BICD1: variants seen among roughly 807,000 people sequenced by gnomAD.
BICD1 encodes the protein protein bicaudal D homolog 1.
In BICD1, 35 loss-of-function variants were observed where a neutral mutation model predicts 92.5. That is an observed-to-expected ratio of 0.38 (90% CI 0.29 to 0.50). The LOEUF is 0.50. Ranked by LOEUF, BICD1 falls within the 20% of genes least tolerant of loss-of-function variation. The pLI is 0.93. For missense variants in BICD1, 950 were observed against 1,189.8 expected (o/e 0.80, Z 2.97); for synonymous variants, 429 against 465.1 (o/e 0.92, Z 1.00).
chr12:32,233,337 A>AC (rs1945953133), intron 2 of BICD1, among the ~76,000 whole-genome samples: 1 of 150,724 alleles, frequency 6.6e-6, no homozygotes, highest in African/African-American at 2.4e-5. Context: ...AAAAAAAAAA[A>AC]AAAGTAGGCT....
chr12:32,255,979 A>G (rs940595042), intron 2 of BICD1, among the ~76,000 whole-genome samples: 1 of 152,196 alleles, frequency 6.6e-6, no homozygotes, highest in African/African-American at 2.4e-5. Context: ...ATTTATCAAT[A>G]GAGCAGATAT....
intron 2 of BICD1, among the ~76,000 whole-genome samples, chr12:32,232,383 C>A (rs914546039): frequency 3.9e-5 from 6 of 152,022 alleles, no homozygotes; most frequent in Non-Finnish European, 8.8e-5. Context: ...GCATAAATGT[C>A]TTCTTCTGAG....
intron 2 of BICD1, among the ~76,000 whole-genome samples, chr12:32,291,703 T>A (rs1947731364): frequency 6.6e-6 from 1 of 151,830 alleles, no homozygotes; most frequent in Non-Finnish European, 1.5e-5. Flanking sequence ...CCAGTTGTGC[T>A]GGTGTACACC....
At chr12:32,268,616 C>G (rs1468896077) in intron 2 of BICD1, among the ~76,000 whole-genome samples, 1 of 151,934 alleles carries the variant, frequency 6.6e-6, no homozygotes, top group Non-Finnish European at 1.5e-5. Context: ...GCCAACATGG[C>G]GAAACCCCGT....
At chr12:32,266,452 C>G (rs1946999154) in intron 2 of BICD1, among the ~76,000 whole-genome samples, 1 of 152,178 alleles carries the variant, frequency 6.6e-6, no homozygotes, top group Non-Finnish European at 1.5e-5. Flanking sequence ...GGACCTAACT[C>G]TTGGAAACTC....
intron 4 of BICD1, among the ~76,000 whole-genome samples, chr12:32,318,319 C>A (rs1237604587): frequency 6.6e-6 from 1 of 152,098 alleles, no homozygotes; most frequent in Non-Finnish European, 1.5e-5. Context: ...GCCATTTTAA[C>A]GATATTGATT....
At chr12:32,260,702 C>T (rs1254718111) in intron 2 of BICD1, among the ~76,000 whole-genome samples, 3 of 151,122 alleles carry the variant, frequency 2.0e-5, no homozygotes, top group African/African-American at 7.3e-5. Flanking sequence ...ACTTCTGGGT[C>T]ATAGCCCATA....
chr12:32,142,126 C>T (rs1942942238), intron 1 of BICD1, among the ~76,000 whole-genome samples: 2 of 151,970 alleles, frequency 1.3e-5, no homozygotes, highest in South Asian at 4.2e-4. Flanking sequence ...TTATTGACAG[C>T]CTGGCGTGAT....
intron 1 of BICD1, among the ~76,000 whole-genome samples, chr12:32,157,713 C>T (rs1342835255): frequency 6.6e-6 from 1 of 152,174 alleles, no homozygotes; most frequent in Non-Finnish European, 1.5e-5. Context: ...TCCTCTTCTT[C>T]CCCCTTTTTT....
At position 32,161,584 on chromosome 12, in the gene BICD1, AG is replaced by A. The variant is rs1943603153; in HGVS notation, c.213+54041del. Among the ~76,000 whole-genome samples the A allele has an allele frequency of 2.6e-5, 4 of 152,364 alleles. No homozygotes were observed. The South Asian group carries it at 8.3e-4, about 32-fold the overall frequency. ...GATCAATAAAGTGGACCAAACATTC[AG>A]TGAATTGTGAATTCTAGAAATGCCT... On this transcript the variant is annotated intron_variant, in intron 1 of 9. Coordinates refer to ENST00000652176, the MANE Select transcript of BICD1 (RefSeq NM_001714.4).
At chr12:32,173,870 A>T (rs1169524880) in intron 1 of BICD1, among the ~76,000 whole-genome samples, 1 of 152,214 alleles carries the variant, frequency 6.6e-6, no homozygotes, top group Non-Finnish European at 1.5e-5. Flanking sequence ...ACACTTTAGG[A>T]ATTGCTTATT....
intron 2 of BICD1, among the ~76,000 whole-genome samples, chr12:32,270,823 C>T (rs954648356): frequency 3.9e-5 from 6 of 152,194 alleles, no homozygotes; most frequent in African/African-American, 1.4e-4. Flanking sequence ...GGCAAAAATA[C>T]ATCATTGGCC....
rs1940177082 is a variant in BICD1 at position 32,381,480 on chromosome 12, T to C, written c.*3853T>C. 1 of 152,152 alleles carries C rather than the reference T, an allele frequency of 6.6e-6. No individual in the cohort carries two copies. The highest frequency in any genetic ancestry group is 2.4e-5 in the African/African-American group (1 of 41,462). 9.4% of individuals were successfully genotyped at this position (152,152 alleles called of 1,614,324 possible). On this transcript the variant is annotated 3_prime_UTR_variant, in exon 10 of 10. Transcript: ENST00000652176. ...TCTGTTTGAAACAAGCATGAAACAT[T>C]GGTCCAATAACCTAAGAATGTGGAG...
At chr12:32,269,435 C>A (rs953717994) in intron 2 of BICD1, among the ~76,000 whole-genome samples, 3 of 152,142 alleles carry the variant, frequency 2.0e-5, no homozygotes, top group African/African-American at 7.2e-5. Context: ...TGTATAGGAA[C>A]TATTAAGTGA....
chr12:32,356,566 G>A (rs1291218284), intron 8 of BICD1, among the ~76,000 whole-genome samples: 1 of 152,050 alleles, frequency 6.6e-6, no homozygotes, highest in African/African-American at 2.4e-5. Context: ...CCGGGAAGCA[G>A]AGGTTGCAAT....
intron 2 of BICD1, among the ~76,000 whole-genome samples, chr12:32,277,747 G>A (rs1315596396): frequency 6.6e-6 from 1 of 152,202 alleles, no homozygotes; most frequent in Admixed American, 6.5e-5. Context: ...AAATCAAGCT[G>A]TAAACTATAT....
chr12:32,169,826 G>A (rs1048837042), intron 1 of BICD1, among the ~76,000 whole-genome samples: 2 of 152,162 alleles, frequency 1.3e-5, no homozygotes, highest in Admixed American at 6.5e-5. Context: ...CTGGGCTCAA[G>A]TGATCCTCCT....
chr12:32,271,694 C>T (rs1947145892), intron 2 of BICD1, among the ~76,000 whole-genome samples: 1 of 152,186 alleles, frequency 6.6e-6, no homozygotes, highest in Non-Finnish European at 1.5e-5. Flanking sequence ...TGCTTCAGAG[C>T]ACTAACCCCA....
At chr12:32,235,892 A>G (rs113155789) in intron 2 of BICD1, among the ~76,000 whole-genome samples, 25,326 of 150,418 alleles carry the variant, frequency 0.17, 2,571 homozygotes, top group African/African-American at 0.29. Flanking sequence ...TAGTAGAGAC[A>G]GGGTTTCACC....
Sources: gnomAD v4.1 joint callset for allele counts (sites outside exome capture counted in the v4.1 genomes callset) on GRCh38, gnomAD v4.1.1 for gene constraint, MANE v1.5 for transcripts, NCBI Gene and HGNC (gene_info 2026-07-23, HGNC 2026-07-21) for gene names.